Variants in CDC23 observed in about 807,000 individuals in gnomAD.
The protein encoded by CDC23 is cell division cycle 23.
Under a neutral mutation model 81.7 loss-of-function variants are expected in CDC23, and 26 were observed. The ratio of observed to expected loss-of-function variants is 0.32; its 90% CI spans 0.23 to 0.44. The LOEUF is 0.44. Among genes scored for constraint, CDC23 ranks in the 20% least tolerant of loss-of-function variants. The pLI is 1.00. For missense variants in CDC23, 519 were observed against 728.0 expected (o/e 0.71, Z 3.30); for synonymous variants, 267 against 270.8 (o/e 0.99, Z 0.14).
At chr5:138,198,812 A>AT in intron 6 of CDC23, 30 bp from the exon 7 acceptor site, 1 of 1,598,654 alleles carries the variant, frequency 6.3e-7, no homozygotes, top group Non-Finnish European at 8.5e-7. Context: ...GGACACACTT[A>AT]ATATAACTTG....
intron 9 of CDC23, among the ~76,000 whole-genome samples, chr5:138,193,209 T>TG (rs1418887058): frequency 6.6e-6 from 1 of 152,246 alleles, no homozygotes; most frequent in Non-Finnish European, 1.5e-5. Flanking sequence ...ATCAAAGGCA[T>TG]GAGCCACCAC....
At chr5:138,199,899 C>T (rs913311394) in intron 6 of CDC23, among the ~76,000 whole-genome samples, 1 of 152,160 alleles carries the variant, frequency 6.6e-6, no homozygotes, top group Non-Finnish European at 1.5e-5. Flanking sequence ...TAAATCACTA[C>T]TGGGGGAAAT....
At chr5:138,196,879 CTTTTTTTTTCCT>C (rs1473605093) in intron 9 of CDC23, among the ~76,000 whole-genome samples, 1 of 141,720 alleles carries the variant, frequency 7.1e-6, no homozygotes, top group East Asian at 2.0e-4. Context: ...CGCGCCTGGC[CTTTTTTTTTCCT>C]TTTTTTTTTT....
In CDC23 at chr5:138,189,135, CCTT is replaced by C; in HGVS notation, c.1634_1636del (p.Glu545del). ...TAGGATTTGCCGGAGTAAGGCCTTA[CCTT>C]CTTCCCGGGTCTGCAACAAAGTCAG... On this transcript the variant is annotated inframe_deletion, in exon 16 of 16. Coordinates refer to ENST00000394886, the MANE Select transcript of CDC23 (RefSeq NM_004661.4). 6 of 1,613,710 alleles carry C rather than the reference CCTT, an allele frequency of 3.7e-6. No individual in the cohort carries two copies. The highest frequency in any genetic ancestry group is 5.1e-6 in the Non-Finnish European group (6 of 1,179,816).
chr5:138,192,524 A>C lies in CDC23; in HGVS notation c.1146T>G (p.Ser382=). ...GHEYMEMKNT[S]AAIQAYRHAI... is the part of the protein sequence containing the mutation. The stretch of plus-strand genomic sequence containing the variant: ...ATCACCTATAAGCCTGGATAGCAGC[A>C]GACGTGTTCTTCATCTCCATGTACT... Residue 382 remains serine, a synonymous_variant, in exon 10 of 16, where the codon TCT becomes TCG. Coordinates refer to ENST00000394886, the MANE Select transcript of CDC23 (RefSeq NM_004661.4). The C allele has an allele frequency of 6.2e-7, 1 of 1,614,126 alleles. No homozygotes were observed. The highest frequency in any genetic ancestry group is 8.5e-7 in the Non-Finnish European group (1 of 1,180,018).
intron 9 of CDC23, among the ~76,000 whole-genome samples, chr5:138,194,220 T>C (rs986169011): frequency 1.3e-5 from 2 of 151,698 alleles, no homozygotes; most frequent in African/African-American, 4.8e-5. Flanking sequence ...GAGGCTGAGG[T>C]GGGAGGATCA....
intron 8 of CDC23, 71 bp downstream of exon 8, chr5:138,198,355 G>A (rs1225294899): frequency 2.1e-5 from 33 of 1,575,340 alleles, no homozygotes; most frequent in Non-Finnish European, 2.8e-5. Context: ...GCTAATACAA[G>A]TGGGTGACAA....
In CDC23 at chr5:138,198,543, C is replaced by T; in HGVS notation, c.833-20G>A. 6.2e-7 allele frequency: 1 copy of T among 1,612,764 alleles called. No individual in the cohort carries two copies. The highest frequency in any genetic ancestry group is 8.5e-7 in the Non-Finnish European group (1 of 1,178,778). Reference sequence around the variant, plus strand: ...CAATATCTGCAGAAAGAAGATAGTTCAGAAAACAGCACAATGCACCTGTCA... The same window carrying T: ...CAATATCTGCAGAAAGAAGATAGTTTAGAAAACAGCACAATGCACCTGTCA... On this transcript the variant is annotated intron_variant, in intron 7 of 15. Transcript: ENST00000394886.
chr5:138,187,993 T>G lies in CDC23; in HGVS notation c.*985A>C, dbSNP rs1415864093. The stretch of plus-strand genomic sequence containing the variant: ...CTGTGCAAATATATTACAGCAGACA[T>G]TATAGCATATTACCTCCTGCTGTAC... On this transcript the variant is annotated 3_prime_UTR_variant, in exon 16 of 16. Coordinates refer to ENST00000394886, the MANE Select transcript of CDC23 (RefSeq NM_004661.4). 17 of 154,472 alleles carry G rather than the reference T, an allele frequency of 1.1e-4. 1 individual carries two copies. Among genetic ancestry groups the G allele is most frequent in the Admixed American group, 1.1e-3 (17 of 15,752 alleles). The allele number at this position is 154,472 out of a possible 1,614,324, so 9.6% of individuals were successfully genotyped here. A position where few individuals can be genotyped will look rare whatever the true frequency, so the allele number is the denominator to read the frequency against.
At chr5:138,204,845 G>GATCCGCCCGCCTCTGCC (rs921800426) in intron 3 of CDC23, among the ~76,000 whole-genome samples, 27 of 151,186 alleles carry the variant, frequency 1.8e-4, no homozygotes, top group African/African-American at 5.8e-4. Flanking sequence ...CTGACCTCGT[G>GATCCGCCCGCCTCTGCC]ATCCGCCCGC....
At chr5:138,200,296 T>G (rs1306862214) in intron 6 of CDC23, among the ~76,000 whole-genome samples, 1 of 152,090 alleles carries the variant, frequency 6.6e-6, no homozygotes, top group East Asian at 1.9e-4. Context: ...CACACCTGGT[T>G]AATTTTTATA....
At position 138,191,424 on chromosome 5, in the gene CDC23, C is replaced by G. The variant is rs777568233; in HGVS notation, c.1424+50G>C. 1.1e-5 allele frequency: 16 copies of G among 1,515,684 alleles called. No individual in the cohort carries two copies. In the Admixed American group the frequency reaches 2.7e-4, roughly 25 times the overall value. 93.9% of individuals were successfully genotyped at this position (1,515,684 alleles called of 1,614,324 possible). A position where few individuals can be genotyped will look rare whatever the true frequency, so the allele number is the denominator to read the frequency against. On this transcript the variant is annotated intron_variant, in intron 13 of 15. Coordinates refer to ENST00000394886, the MANE Select transcript of CDC23 (RefSeq NM_004661.4). ...CTCTAGACCATGCAGGACCCACCAT[C>G]CCAGAGAAGCCAACAGAAATATCAA... is the stretch of plus-strand genomic sequence containing the variant.
intron 13 of CDC23, among the ~76,000 whole-genome samples, chr5:138,190,667 A>G (rs1754816191): frequency 6.6e-6 from 1 of 152,090 alleles, no homozygotes; most frequent in Non-Finnish European, 1.5e-5. Context: ...CGGGAGACTG[A>G]GGCAGGAGAA....
intron 2 of CDC23, 57 bp from the exon 3 acceptor site, chr5:138,206,741 T>C (rs920974225): frequency 6.6e-7 from 1 of 1,506,108 alleles, no homozygotes; most frequent in African/African-American, 1.4e-5. Context: ...AAACTTCAAA[T>C]CTAAAAAGTA....
chr5:138,195,285 AC>A (rs1355000443), intron 9 of CDC23, among the ~76,000 whole-genome samples: 3 of 150,358 alleles, frequency 2.0e-5, no homozygotes, highest in Non-Finnish European at 2.9e-5. Context: ...AGCAAAAGAA[AC>A]CCTGCACTTT....
At chr5:138,202,393 C>CCAGCCT (rs1754999438) in intron 3 of CDC23, among the ~76,000 whole-genome samples, 1 of 152,188 alleles carries the variant, frequency 6.6e-6, no homozygotes. Flanking sequence ...AAGTGATTCT[C>CCAGCCT]CAGCCTCAGC....
intron 9 of CDC23, among the ~76,000 whole-genome samples, chr5:138,192,998 C>T (rs939339834): frequency 1.3e-5 from 2 of 152,186 alleles, no homozygotes; most frequent in African/African-American, 2.4e-5. Context: ...AGTGTAATCA[C>T]AGCTCACTGC....
chr5:138,195,098 A>C (rs1246963312), intron 9 of CDC23, among the ~76,000 whole-genome samples: 1 of 152,086 alleles, frequency 6.6e-6, no homozygotes, highest in African/African-American at 2.4e-5. Flanking sequence ...AAGACTAAGA[A>C]GGATTTTCAT....
chr5:138,187,881 A>G lies in CDC23; in HGVS notation c.*1097T>C, dbSNP rs1395589084. 1 of 160,516 alleles carries G rather than the reference A, an allele frequency of 6.2e-6. No homozygotes were observed. Among genetic ancestry groups the G allele is most frequent in the Non-Finnish European group, 1.4e-5 (1 of 72,528 alleles). 9.9% of individuals were successfully genotyped at this position (160,516 alleles called of 1,614,324 possible). ...CTTCCTTAATATAAGATGAAGTGTC[A>G]TATGTTAGGAGGTAAAAACGTAACA... On this transcript the variant is annotated 3_prime_UTR_variant, in exon 16 of 16. Coordinates refer to ENST00000394886, the MANE Select transcript of CDC23 (RefSeq NM_004661.4).
Sources: allele counts gnomAD v4.1 joint callset (sites outside exome capture counted in the v4.1 genomes callset), GRCh38; gene constraint gnomAD v4.1.1; transcripts MANE v1.5; gene names NCBI Gene and HGNC (gene_info 2026-07-23, HGNC 2026-07-21).